Variants in CNTNAP2 observed in about 807,000 individuals in gnomAD.
CNTNAP2 encodes the protein contactin associated protein 2.
CNTNAP2 carries 98 observed loss-of-function variants against 155.2 expected under a neutral mutation model. The ratio of observed to expected loss-of-function variants is 0.63; its 90% CI spans 0.54 to 0.75. The LOEUF is 0.75. CNTNAP2 is among the 30% of genes least tolerant of loss of function. The pLI is 0.00. For missense variants in CNTNAP2, 1,727 were observed against 1,688.1 expected, an observed-to-expected ratio of 1.02 and a Z score of -0.40; for synonymous variants, 651 against 631.2, an observed-to-expected ratio of 1.03 and a Z score of -0.47.
At chr7:148,118,338 A>G (rs1353595054) in intron 16 of CNTNAP2, 50 bp downstream of exon 16, 2 of 1,603,032 alleles carry the variant, frequency 1.2e-6, no homozygotes, top group South Asian at 1.1e-5. Flanking sequence ...TCGTCACCTC[A>G]GGGTGGTCCG....
chr7:148,181,084 C>T (rs1188491697), intron 18 of CNTNAP2, among the ~76,000 whole-genome samples: 1 of 152,198 alleles, frequency 6.6e-6, no homozygotes, highest in Non-Finnish European at 1.5e-5. Context: ...GATTCTCATG[C>T]TTTTGAGCTT....
chr7:146,451,094 C>T (rs1796473749), intron 1 of CNTNAP2, among the ~76,000 whole-genome samples: 1 of 152,026 alleles, frequency 6.6e-6, no homozygotes, highest in South Asian at 2.1e-4. Context: ...CTACAGGCAC[C>T]GACCACATCA....
intron 1 of CNTNAP2, among the ~76,000 whole-genome samples, chr7:146,244,394 T>C (rs1192444731): frequency 2.6e-5 from 4 of 151,936 alleles, no homozygotes; most frequent in South Asian, 4.1e-4. Flanking sequence ...GACAAGTTTT[T>C]TGGGGGCACA....
chr7:147,562,360 A>G, intron 12 of CNTNAP2, 103 bp downstream of exon 12: 2 of 1,387,426 alleles, frequency 1.4e-6, no homozygotes, highest in Non-Finnish European at 2.0e-6. Context: ...TTTTATCACA[A>G]CATCTAATCA....
At chr7:147,817,043 TAG>T in intron 13 of CNTNAP2, among the ~76,000 whole-genome samples, 1 of 151,882 alleles carries the variant, frequency 6.6e-6, no homozygotes, top group Non-Finnish European at 1.5e-5. Context: ...CACCAGGAAA[TAG>T]AGAGGGAAGG....
At chr7:147,851,854 A>T (rs1584990842) in intron 13 of CNTNAP2, among the ~76,000 whole-genome samples, 1 of 152,284 alleles carries the variant, frequency 6.6e-6, no homozygotes, top group South Asian at 2.1e-4. Flanking sequence ...GCACATGTAT[A>T]CATATGTAAT....
At chr7:147,647,145 G>A (rs1027795708) in intron 13 of CNTNAP2, among the ~76,000 whole-genome samples, 1 of 151,456 alleles carries the variant, frequency 6.6e-6, no homozygotes, top group South Asian at 2.1e-4. Flanking sequence ...ATGCTGCCAC[G>A]CCCAGCTAAT....
chr7:147,636,476 G>A (rs1027231390), intron 12 of CNTNAP2, among the ~76,000 whole-genome samples: 2 of 152,042 alleles, frequency 1.3e-5, no homozygotes, highest in Admixed American at 6.6e-5. Context: ...TGCAGAACGT[G>A]CAGGTTTGTT....
At chr7:147,291,577 T>C (rs1805313354) in intron 8 of CNTNAP2, among the ~76,000 whole-genome samples, 1 of 152,190 alleles carries the variant, frequency 6.6e-6, no homozygotes, top group South Asian at 2.1e-4. Context: ...AATTTGCAAC[T>C]GTCATGAATA....
At chr7:146,623,718 T>TG (rs1491065346) in intron 1 of CNTNAP2, among the ~76,000 whole-genome samples, 1 of 152,072 alleles carries the variant, frequency 6.6e-6, no homozygotes, top group Non-Finnish European at 1.5e-5. Flanking sequence ...GTTCATGGGC[T>TG]GTGTGTGTGT....
intron 21 of CNTNAP2, among the ~76,000 whole-genome samples, chr7:148,368,843 G>C (rs1325475193): frequency 2.0e-5 from 3 of 152,152 alleles, no homozygotes; most frequent in Non-Finnish European, 4.4e-5. Flanking sequence ...AAGTTTCACA[G>C]TGTCTTTCTA....
At chr7:146,636,422 G>A (rs983621550) in intron 1 of CNTNAP2, among the ~76,000 whole-genome samples, 4 of 152,006 alleles carry the variant, frequency 2.6e-5, no homozygotes, top group Non-Finnish European at 4.4e-5. Context: ...TAGAAAAAAA[G>A]CCCAGTTTCT....
chr7:146,214,637 A>G (rs982478559), intron 1 of CNTNAP2, among the ~76,000 whole-genome samples: 3 of 152,194 alleles, frequency 2.0e-5, no homozygotes, highest in African/African-American at 4.8e-5. Context: ...AAATTTTACA[A>G]TGAGTCATTA....
rs116670283 is a variant in CNTNAP2 at position 146,744,704 on chromosome 7, G to A, written c.98-29567G>A. Among the ~76,000 whole-genome samples, 314 of 152,242 alleles carry A rather than the reference G, an allele frequency of 2.1e-3. 3 individuals carry two copies. Among genetic ancestry groups the A allele is most frequent in the African/African-American group, 7.0e-3 (290 of 41,550 alleles). On this transcript the variant is annotated intron_variant, in intron 1 of 23. Transcript: ENST00000361727. ...GTCACACCAATTAAATAAAATGGGT[G>A]AATATTTTCAAATTCAGTGGTGGTA...
intron 9 of CNTNAP2, among the ~76,000 whole-genome samples, chr7:147,380,541 T>C (rs1209795447): frequency 6.6e-6 from 1 of 151,978 alleles, no homozygotes; most frequent in African/African-American, 2.4e-5. Context: ...GGCTCCTATT[T>C]TAGGCCAAGC....
chr7:146,801,455 A>C (rs1802876395), intron 2 of CNTNAP2, among the ~76,000 whole-genome samples: 1 of 152,208 alleles, frequency 6.6e-6, no homozygotes, highest in South Asian at 2.1e-4. Flanking sequence ...ATTAAGTAAT[A>C]TATGTTCCAT....
At chr7:146,829,394 CAT>C (rs1803467293) in intron 2 of CNTNAP2, among the ~76,000 whole-genome samples, 1 of 151,844 alleles carries the variant, frequency 6.6e-6, no homozygotes, top group Non-Finnish European at 1.5e-5. Flanking sequence ...AAGGAACAAA[CAT>C]ATTGTATAAG....
chr7:148,370,942 A>G (rs905037853), intron 21 of CNTNAP2, among the ~76,000 whole-genome samples: 1 of 152,058 alleles, frequency 6.6e-6, no homozygotes, highest in Non-Finnish European at 1.5e-5. Context: ...TCTGCTTCAC[A>G]TGACACCGTC....
chr7:148,399,081 T>C (rs2116695575), intron 22 of CNTNAP2, among the ~76,000 whole-genome samples: 1 of 152,278 alleles, frequency 6.6e-6, no homozygotes, highest in South Asian at 2.1e-4. Flanking sequence ...GTATAGCAGG[T>C]GTGTTCACAA....
Sources: gnomAD v4.1 joint callset for allele counts (sites outside exome capture counted in the v4.1 genomes callset) on GRCh38, gnomAD v4.1.1 for gene constraint, MANE v1.5 for transcripts, NCBI Gene and HGNC (gene_info 2026-07-23, HGNC 2026-07-21) for gene names.